The following PLA2G2C variants were observed in gnomAD, a reference collection of about 807,000 sequenced individuals.
PLA2G2C encodes putative inactive group IIC secretory phospholipase A2.
Under a neutral mutation model 14.3 loss-of-function variants are expected in PLA2G2C, and 15 were observed. The ratio of observed to expected loss-of-function variants is 1.05; its 90% CI spans 0.70 to 1.62. The LOEUF is 1.62. Among genes scored for constraint, PLA2G2C ranks in the 40% most tolerant of loss-of-function variants. PLA2G2C has a pLI of 0.00. For missense variants in PLA2G2C, 162 were observed against 173.2 expected, an observed-to-expected ratio of 0.94 and a Z score of 0.36; for synonymous variants, 79 against 67.7, an observed-to-expected ratio of 1.17 and a Z score of -0.82.
chr1:20,183,379 GGAA>G (rs2018306700), intron 1 of PLA2G2C, among the ~76,000 whole-genome samples: 2 of 152,348 alleles, frequency 1.3e-5, no homozygotes, highest in African/African-American at 4.8e-5. Context: ...GGGCCATGGG[GGAA>G]CACGCAGGTG....
intron 4 of PLA2G2C, among the ~76,000 whole-genome samples, chr1:20,166,398 TGG>T (rs1264684752): frequency 6.6e-6 from 1 of 152,112 alleles, no homozygotes; most frequent in African/African-American, 2.4e-5. Context: ...TTCTAGCGCC[TGG>T]GTGCCCTCTG....
At chr1:20,185,275 ACTT>A (rs1313615095) in intron 1 of PLA2G2C, among the ~76,000 whole-genome samples, 1 of 152,116 alleles carries the variant, frequency 6.6e-6, no homozygotes, top group African/African-American at 2.4e-5. Flanking sequence ...GCTGGCCAAG[ACTT>A]CTTCAATACC....
At chr1:20,172,180 T>C (rs2018093398) in intron 4 of PLA2G2C, among the ~76,000 whole-genome samples, 1 of 152,158 alleles carries the variant, frequency 6.6e-6, no homozygotes, top group African/African-American at 2.4e-5. Context: ...TGCCTCCAAA[T>C]GTGCCTGCTG....
chr1:20,184,003 C>A lies in PLA2G2C; in HGVS notation c.-77+2357G>T, dbSNP rs185774981. 1.2e-3 allele frequency among the ~76,000 whole-genome samples: 190 copies of A among 152,312 alleles called. 2 individuals carry two copies. Among genetic ancestry groups the A allele is most frequent in the Admixed American group, 9.9e-3 (151 of 15,306 alleles). ...GACATCCTCTTTATAGAAGGTCGGG[C>A]ACAAAGGCAGCAGAGGCACAGCAAT... On this transcript the variant is annotated intron_variant, in intron 1 of 4. Coordinates refer to ENST00000679259, the MANE Select transcript of PLA2G2C (RefSeq NM_001367969.2).
At position 20,164,074 on chromosome 1, in the gene PLA2G2C, T is replaced by C; in HGVS notation, c.367A>G (p.Lys123Glu). 3 of 1,613,926 alleles carry C rather than the reference T, an allele frequency of 1.9e-6. No homozygotes were observed. The highest frequency in any genetic ancestry group is 2.5e-6 in the Non-Finnish European group (3 of 1,179,868). Reference protein sequence around the residue: ...ECDKQSVHCFKESLPTYEKNF... With the variant: ...ECDKQSVHCFEESLPTYEKNF... ...TTCTCATAGGTGGGCAGGCTCTCTT[T>C]GAAGCAGTGCACGGATTGCTTGTCA... The change falls in exon 5 of 5, where the codon AAA (lysine) becomes GAA (glutamate). Residue 123 changes from lysine (K) to glutamate (E), a missense_variant. Transcript: ENST00000679259.
intron 1 of PLA2G2C, among the ~76,000 whole-genome samples, chr1:20,178,996 C>T (rs2018233414): frequency 6.6e-6 from 1 of 152,256 alleles, no homozygotes; most frequent in Non-Finnish European, 1.5e-5. Context: ...CACTGAGAAC[C>T]ACTCTCTGCT....
intron 1 of PLA2G2C, among the ~76,000 whole-genome samples, chr1:20,179,389 A>G (rs1237865813): frequency 6.6e-6 from 1 of 150,478 alleles, no homozygotes; most frequent in Non-Finnish European, 1.5e-5. Context: ...CCTCTGTGTC[A>G]ACTTCTCCCT....
At chr1:20,173,115 C>A (rs1010037077) in intron 3 of PLA2G2C, among the ~76,000 whole-genome samples, 2 of 151,268 alleles carry the variant, frequency 1.3e-5, no homozygotes, top group East Asian at 3.9e-4. Flanking sequence ...TTGAGACCAG[C>A]CTGGGCAACA....
chr1:20,175,166 A>C, intron 2 of PLA2G2C, 21 bp from the exon 3 acceptor site: 1 of 1,613,940 alleles, frequency 6.2e-7, no homozygotes, highest in Non-Finnish European at 8.5e-7. Context: ...CGATGAGAAA[A>C]AAAGGAAGAA....
chr1:20,164,942 T>C (rs2017950767), intron 4 of PLA2G2C, among the ~76,000 whole-genome samples: 1 of 152,242 alleles, frequency 6.6e-6, no homozygotes, highest in Admixed American at 6.5e-5. Flanking sequence ...CGGAAGGAAA[T>C]AAGCAGGGAC....
chr1:20,171,844 C>T (rs1470770024), intron 4 of PLA2G2C, among the ~76,000 whole-genome samples: 1 of 147,994 alleles, frequency 6.8e-6, no homozygotes, highest in South Asian at 2.2e-4. Flanking sequence ...TCACTGCAAG[C>T]TCCGCCTCCC....
intron 4 of PLA2G2C, among the ~76,000 whole-genome samples, chr1:20,166,791 TTCAG>T (rs2017987239): frequency 6.6e-6 from 1 of 152,218 alleles, no homozygotes; most frequent in Non-Finnish European, 1.5e-5. Context: ...CCAGTTCTAC[TTCAG>T]TGGCCTGCCC....
chr1:20,173,211 G>C (rs1410354205), intron 3 of PLA2G2C, among the ~76,000 whole-genome samples: 1 of 151,684 alleles, frequency 6.6e-6, no homozygotes, highest in Non-Finnish European at 1.5e-5. Flanking sequence ...AGCTACTCAG[G>C]AGGCTGAAGT....
At chr1:20,176,132 T>G (rs2100721279) in intron 2 of PLA2G2C, among the ~76,000 whole-genome samples, 1 of 152,236 alleles carries the variant, frequency 6.6e-6, no homozygotes, top group East Asian at 1.9e-4. Context: ...CTGGCCAGGC[T>G]GGTCTCGAAC....
intron 1 of PLA2G2C, among the ~76,000 whole-genome samples, chr1:20,179,123 A>C (rs532486388): frequency 8.6e-4 from 131 of 152,322 alleles, no homozygotes; most frequent in African/African-American, 2.8e-3. Context: ...CTTTTTCAGG[A>C]TAGCTCTGAA....
Position 20,163,958 on chromosome 1 carries a change from A to T in PLA2G2C, c.*33T>A. Reference sequence around the variant, plus strand: ...TCCTGGAAGAGCAACACTAGAGCGGATGCTGGATGATGAGAGGGACCCTGT... The same window carrying T: ...TCCTGGAAGAGCAACACTAGAGCGGTTGCTGGATGATGAGAGGGACCCTGT... On this transcript the variant is annotated 3_prime_UTR_variant, in exon 5 of 5. Transcript: ENST00000679259. 1 of 1,596,566 alleles carries T rather than the reference A, an allele frequency of 6.3e-7. No individual in the cohort carries two copies. Among genetic ancestry groups the T allele is most frequent in the African/African-American group, 1.3e-5 (1 of 74,684 alleles).
chr1:20,167,340 T>C (rs1342629864), intron 4 of PLA2G2C, among the ~76,000 whole-genome samples: 1 of 152,130 alleles, frequency 6.6e-6, no homozygotes, highest in Non-Finnish European at 1.5e-5. Flanking sequence ...CACCAAACTC[T>C]TGCTGTCTTC....
At chr1:20,169,807 G>A (rs1277088495) in intron 4 of PLA2G2C, among the ~76,000 whole-genome samples, 1 of 152,198 alleles carries the variant, frequency 6.6e-6, no homozygotes, top group Non-Finnish European at 1.5e-5. Flanking sequence ...TAGACCCAGT[G>A]TTGCCCGACT....
Position 20,172,793 on chromosome 1 carries a change from C to T in PLA2G2C, c.283+1G>A. The T allele has an allele frequency of 1.2e-6, 2 of 1,612,288 alleles. No individual in the cohort carries two copies. The highest frequency in any genetic ancestry group is 1.7e-4 in the Middle Eastern group (1 of 6,050). ...ATTTCCATACAGAAAAGGCTACTCA[C>T]AAACCACTGCGCCATTGACGATGTG... On this transcript the variant is annotated splice_donor_variant, in intron 4 of 4. Transcript: ENST00000679259. LOFTEE classifies it high-confidence loss of function.
Sources: gnomAD v4.1 joint callset for allele counts (sites outside exome capture counted in the v4.1 genomes callset) on GRCh38, gnomAD v4.1.1 for gene constraint, MANE v1.5 for transcripts, NCBI Gene and HGNC (gene_info 2026-07-23, HGNC 2026-07-21) for gene names.